The following ADAMTS8 variants were observed in gnomAD, a reference collection of about 807,000 sequenced individuals.
ADAMTS8 encodes the protein ADAM metallopeptidase with thrombospondin type 1 motif 8.
ADAMTS8 carries 50 observed loss-of-function variants against 64.4 expected under a neutral mutation model. The observed-to-expected ratio is 0.78, with a 90% CI of 0.62 to 0.98. ADAMTS8 has a LOEUF of 0.98. Among genes scored for constraint, ADAMTS8 ranks in the 50% least tolerant of loss-of-function variants. The probability of loss-of-function intolerance (pLI) is 0.00; values close to 1 mark genes in which losing one functional copy is unlikely to be tolerated. For missense variants in ADAMTS8, 1,192 were observed against 1,208.2 expected (o/e 0.99, Z 0.20); for synonymous variants, 556 against 533.6 (o/e 1.04, Z -0.58).
Position 130,405,183 on chromosome 11 carries a change from G to C in ADAMTS8, c.*375C>G. ...CTTGTACTAATTTTTTCCCCTGTGA[G>C]GTAGATTATTTATCGGGGAAACCAG... On this transcript the variant is annotated 3_prime_UTR_variant, in exon 9 of 9. Coordinates refer to ENST00000257359, the MANE Select transcript of ADAMTS8 (RefSeq NM_007037.6). 9.8e-7 allele frequency: 1 copy of C among 1,019,454 alleles called. No individual in the cohort carries two copies. Among genetic ancestry groups the C allele is most frequent in the African/African-American group, 1.7e-5 (1 of 58,500 alleles). 63.2% of individuals were successfully genotyped at this position (1,019,454 alleles called of 1,614,324 possible).
chr11:130,406,337 TCA>T, intron 8 of ADAMTS8, among the ~76,000 whole-genome samples: 1 of 152,212 alleles, frequency 6.6e-6, no homozygotes, highest in Non-Finnish European at 1.5e-5. Context: ...GGTGTTTGCT[TCA>T]TCTGGCAACT....
chr11:130,424,817 C>T (rs902826161), intron 1 of ADAMTS8, among the ~76,000 whole-genome samples: 4 of 152,112 alleles, frequency 2.6e-5, no homozygotes, highest in African/African-American at 7.2e-5. Context: ...GAGGGTGGTC[C>T]TGGACACAGC....
At chr11:130,424,923 C>T (rs538561968) in intron 1 of ADAMTS8, among the ~76,000 whole-genome samples, 1 of 152,194 alleles carries the variant, frequency 6.6e-6, no homozygotes, top group East Asian at 1.9e-4. Context: ...GGCTAGTCTC[C>T]CTGAGGGAAG....
At chr11:130,418,072 C>T (rs1029944778) in intron 2 of ADAMTS8, among the ~76,000 whole-genome samples, 1 of 145,146 alleles carries the variant, frequency 6.9e-6, no homozygotes, top group Non-Finnish European at 1.5e-5. Context: ...CTCAGCTACT[C>T]AGGAGGCTTG....
chr11:130,408,974 C>A (rs773793448), intron 6 of ADAMTS8, 34 bp from the exon 7 acceptor site: 7 of 1,507,080 alleles, frequency 4.6e-6, no homozygotes, highest in Admixed American at 4.7e-5. Context: ...GGAGGTGACA[C>A]CCATGCGGAA....
At chr11:130,406,521 G>A (rs1344496645) in intron 8 of ADAMTS8, among the ~76,000 whole-genome samples, 2 of 152,112 alleles carry the variant, frequency 1.3e-5, no homozygotes, top group Non-Finnish European at 2.9e-5. Flanking sequence ...AACTTTGATT[G>A]GCCACCTCCA....
chr11:130,424,326 C>A (rs1407811680), intron 1 of ADAMTS8, among the ~76,000 whole-genome samples: 2 of 152,210 alleles, frequency 1.3e-5, no homozygotes, highest in Admixed American at 6.5e-5. Flanking sequence ...GCTGTGCAGT[C>A]TCCCTCTGCC....
intron 1 of ADAMTS8, among the ~76,000 whole-genome samples, chr11:130,426,049 C>T (rs1054192117): frequency 5.9e-5 from 9 of 152,180 alleles, no homozygotes; most frequent in South Asian, 4.1e-4. Context: ...GTGCTCCCAC[C>T]GCTCCGTGCT....
chr11:130,408,996 C>A (rs749343851), intron 6 of ADAMTS8, 56 bp from the exon 7 acceptor site: 2 of 1,496,740 alleles, frequency 1.3e-6, no homozygotes, highest in Non-Finnish European at 8.9e-7. Context: ...CAGGAGCATC[C>A]GGTGGAGAAA....
intron 2 of ADAMTS8, 73 bp downstream of exon 2, chr11:130,418,980 C>A: frequency 6.3e-7 from 1 of 1,596,646 alleles, no homozygotes; most frequent in East Asian, 2.2e-5. Flanking sequence ...TTTGGGCAGG[C>A]CTCGTGGTCC....
At chr11:130,406,416 A>T (rs1861886290) in intron 8 of ADAMTS8, among the ~76,000 whole-genome samples, 1 of 152,172 alleles carries the variant, frequency 6.6e-6, no homozygotes, top group African/African-American at 2.4e-5. Flanking sequence ...AGACGAGGAG[A>T]ACCCAGAAGG....
At position 130,427,995 on chromosome 11, in the gene ADAMTS8, G is replaced by C. The variant is rs1037839288; in HGVS notation, c.292C>G (p.Arg98Gly). ...ACGGTGCCGGAGAAGAAGCAGCCGC[G>C]CAGCCCCCGCTCGCCCCCGGTCGCC... Reference protein sequence around the residue: ...GRATGGERGLRGCFFSGTVNG... With the variant: ...GRATGGERGLGGCFFSGTVNG... The change falls in exon 1 of 9, where the codon CGC becomes GGC. Residue 98 changes from arginine (R) to glycine (G), a missense_variant. Arg to Gly is a moderately radical substitution (Grantham distance 125, BLOSUM62 -2). This residue lies in a region of ADAMTS8 where 741 missense variants were observed against 710.6 expected (regional missense o/e 1.04). Coordinates refer to ENST00000257359, the MANE Select transcript of ADAMTS8 (RefSeq NM_007037.6). 1.3e-6 allele frequency: 2 copies of C among 1,528,062 alleles called. No homozygotes were observed. Among genetic ancestry groups the C allele is most frequent in the Non-Finnish European group, 1.7e-6 (2 of 1,144,016 alleles). The allele number at this position is 1,528,062 out of a possible 1,614,324, so 94.7% of individuals were successfully genotyped here.
rs1014860275 is a variant in ADAMTS8, at chr11:130,416,012, C to T, written c.1264+151G>A. The T allele has an allele frequency of 1.3e-5, 12 of 894,902 alleles. No individual in the cohort carries two copies. The highest frequency in any genetic ancestry group is 5.9e-5 in the Admixed American group (2 of 34,110). The allele number at this position is 894,902 out of a possible 1,614,324, so 55.4% of individuals were successfully genotyped here. ...AAGATGGGGCCAGAAGAGCAGACTT[C>T]GGGGGTGGTGTGAATGCCCCAGCGT... is the stretch of plus-strand genomic sequence containing the variant. On this transcript the variant is annotated intron_variant, in intron 4 of 8. Transcript: ENST00000257359. The surrounding 1 kb of genome is among the most constrained non-coding windows in gnomAD (Gnocchi z 4.8).
intron 5 of ADAMTS8, among the ~76,000 whole-genome samples, chr11:130,414,130 T>C (rs1372507440): frequency 1.3e-5 from 2 of 150,986 alleles, no homozygotes; most frequent in Non-Finnish European, 3.0e-5. Flanking sequence ...TTCTTTTTTT[T>C]TTTTTTTTTT....
In ADAMTS8 at chr11:130,411,617, C is replaced by T. The variant is rs764226515; in HGVS notation, c.1567-17G>A. On this transcript the variant is annotated splice_polypyrimidine_tract_variant and intron_variant, in intron 5 of 8. Coordinates refer to ENST00000257359, the MANE Select transcript of ADAMTS8 (RefSeq NM_007037.6). The surrounding 1 kb of genome is among the most constrained non-coding windows in gnomAD (Gnocchi z 4.2). Reference sequence around the variant, plus strand: ...TGCCACGGGCTGCAACATACAATGGCACACTGAATGAGGAGCAAAGGCCAG... The same window carrying T: ...TGCCACGGGCTGCAACATACAATGGTACACTGAATGAGGAGCAAAGGCCAG... The T allele has an allele frequency of 6.2e-7, 1 of 1,613,240 alleles. No individual in the cohort carries two copies.
chr11:130,405,541 G>A lies in ADAMTS8; in HGVS notation c.*17C>T. On this transcript the variant is annotated 3_prime_UTR_variant, in exon 9 of 9. Coordinates refer to ENST00000257359, the MANE Select transcript of ADAMTS8 (RefSeq NM_007037.6). ...CCGCATGTCCAGGAGCACAAGACTG[G>A]CCCCTGCCCCCCTGAATCACAGGGG... The A allele has an allele frequency of 1.3e-6, 2 of 1,577,244 alleles. No homozygotes were observed. Among genetic ancestry groups the A allele is most frequent in the South Asian group, 1.2e-5 (1 of 84,846 alleles).
At chr11:130,426,831 C>T (rs1313700985) in intron 1 of ADAMTS8, among the ~76,000 whole-genome samples, 1 of 152,270 alleles carries the variant, frequency 6.6e-6, no homozygotes, top group Non-Finnish European at 1.5e-5. Flanking sequence ...AGAGCTCGTT[C>T]CAGCCCCTGC....
chr11:130,405,527 G>A lies in ADAMTS8; in HGVS notation c.*31C>T, dbSNP rs746282308. 6.4e-7 allele frequency: 1 copy of A among 1,560,440 alleles called. No individual in the cohort carries two copies. Among genetic ancestry groups the A allele is most frequent in the East Asian group, 2.3e-5 (1 of 44,348 alleles). The stretch of plus-strand genomic sequence containing the variant: ...TCTGCACCTCAGTACCGCATGTCCA[G>A]GAGCACAAGACTGGCCCCTGCCCCC... On this transcript the variant is annotated 3_prime_UTR_variant, in exon 9 of 9. Transcript: ENST00000257359.
intron 2 of ADAMTS8, 93 bp downstream of exon 2, chr11:130,418,960 G>A (rs537409128): frequency 1.3e-5 from 21 of 1,573,772 alleles, no homozygotes; most frequent in Admixed American, 1.0e-4. Context: ...GCAGGGAGAC[G>A]TTTCCCATGT....
Sources: allele counts gnomAD v4.1 joint callset (sites outside exome capture counted in the v4.1 genomes callset), GRCh38; gene constraint gnomAD v4.1.1; regional missense constraint gnomAD v4.1.1; non-coding constraint Gnocchi (gnomAD v3.1); transcripts MANE v1.5; gene names NCBI Gene and HGNC (gene_info 2026-07-23, HGNC 2026-07-21).